ATRX: variants seen among roughly 807,000 people sequenced by gnomAD.
ATRX encodes ATRX chromatin remodeler.
A neutral mutation model predicts 172.6 loss-of-function variants in ATRX; 12 were observed. The ratio of observed to expected loss-of-function variants is 0.07; its 90% CI spans 0.04 to 0.11. The LOEUF is 0.11. ATRX is among the 10% of genes least tolerant of loss of function. ATRX has a pLI of 1.00. For missense variants in ATRX, 1,368 were observed against 1,767.4 expected (o/e 0.77, Z 4.05); for synonymous variants, 674 against 594.7 (o/e 1.13, Z -1.94).
chrX:77,594,077 T>G, intron 25 of ATRX: 709 of 223,401 alleles, frequency 3.2e-3, no homozygotes, highest in East Asian at 7.7e-3. Context: ...AGGAAGGAGA[T>G]GCCAAATAAG....
intron 28 of ATRX, among the ~76,000 whole-genome samples, chrX:77,569,411 C>T (rs1182893362): frequency 9.0e-6 from 1 of 110,636 alleles, no homozygotes; most frequent in African/African-American, 3.3e-5. Flanking sequence ...ACTTTTCTTG[C>T]AGCAAGACAA....
rs782274708 is a variant in ATRX at position 77,649,888 on chromosome X, C to A, written c.4557+2226G>T. ...TTAGCAGCGTGAAAATGGACTAATA[C>A]AATGTAACATCAAAAATCAGGAATT... On this transcript the variant is annotated intron_variant, in intron 15 of 34. Transcript: ENST00000373344. Among the ~76,000 whole-genome samples, 68 of 111,719 alleles carry A rather than the reference C, an allele frequency of 6.1e-4. 1 individual carries two copies. The highest frequency in any genetic ancestry group is 1.1e-3 in the South Asian group (3 of 2,674).
chrX:77,664,518 T>G (rs1012767538), intron 11 of ATRX, 127 bp downstream of exon 11: 4 of 959,832 alleles, frequency 4.2e-6, no homozygotes, highest in South Asian at 2.1e-5. Flanking sequence ...CCCAAAGTCC[T>G]GAGATTATAG....
chrX:77,728,040 G>A (rs1193549601), intron 1 of ATRX: 1 of 110,650 alleles, frequency 9.0e-6, no homozygotes, highest in Non-Finnish European at 1.9e-5. Flanking sequence ...AATGTGTTAT[G>A]TACAATGCCA....
chrX:77,596,530 T>C (rs2066473434), intron 25 of ATRX: 1 of 111,075 alleles, frequency 9.0e-6, no homozygotes, highest in Admixed American at 9.6e-5. Context: ...TATATCCATA[T>C]ACAAATGACT....
At chrX:77,729,440 A>T (rs1231787572) in intron 1 of ATRX, among the ~76,000 whole-genome samples, 2 of 112,196 alleles carry the variant, frequency 1.8e-5, no homozygotes, top group African/African-American at 6.5e-5. Context: ...TAATACACTC[A>T]TTGCTTTCAT....
At chrX:77,763,411 C>G (rs1342274948) in intron 1 of ATRX, among the ~76,000 whole-genome samples, 1 of 102,868 alleles carries the variant, frequency 9.7e-6, no homozygotes, top group Non-Finnish European at 2.0e-5. Flanking sequence ...TCCCAAAGTG[C>G]TGGATTACAG....
intron 12 of ATRX, among the ~76,000 whole-genome samples, chrX:77,659,482 T>TACACACACACACAC (rs72145948): frequency 1.1e-5 from 1 of 88,485 alleles, no homozygotes; most frequent in Admixed American, 1.3e-4. Flanking sequence ...TTTCTCTCTC[T>TACACACACACACAC]ACACACACAC....
chrX:77,630,939 G>A (rs527744265), intron 19 of ATRX, among the ~76,000 whole-genome samples: 3 of 111,320 alleles, frequency 2.7e-5, no homozygotes, highest in African/African-American at 9.8e-5. Flanking sequence ...AAAGTAAAAA[G>A]ACAACTCACA....
At position 77,599,541 on chromosome X, in the gene ATRX, G is replaced by A. The variant is rs2148144469; in HGVS notation, c.5826C>T (p.Ser1942=). 1 of 1,209,703 alleles carries A rather than the reference G, an allele frequency of 8.3e-7. No individual in the cohort carries two copies. The highest frequency in any genetic ancestry group is 1.1e-6 in the Non-Finnish European group (1 of 894,995). ...CATTGTCACTGCCACTTCCACTTGA[G>A]CTACTATCTTTTTTCCCCTTTTTCC... ...KKGKKGKKDS[S]SSGSGSDNDV... The change falls in exon 25 of 35, where the codon AGC becomes AGT. Residue 1942 remains serine (S), a synonymous_variant. Coordinates refer to ENST00000373344, the MANE Select transcript of ATRX (RefSeq NM_000489.6).
chrX:77,755,709 C>T (rs942623772), intron 1 of ATRX, among the ~76,000 whole-genome samples: 5 of 111,683 alleles, frequency 4.5e-5, no homozygotes, highest in Non-Finnish European at 9.4e-5. Context: ...CTGGGAGCTT[C>T]GTCCCAGAAG....
chrX:77,779,089 G>A (rs986028135), intron 1 of ATRX, among the ~76,000 whole-genome samples: 1 of 99,871 alleles, frequency 1.0e-5, no homozygotes, highest in African/African-American at 3.7e-5. Flanking sequence ...CACCATGCCC[G>A]GATTTTTTTT....
chrX:77,746,866 C>T (rs782070170), intron 1 of ATRX, among the ~76,000 whole-genome samples: 1 of 111,098 alleles, frequency 9.0e-6, no homozygotes, highest in Non-Finnish European at 1.9e-5. Flanking sequence ...GTGGCGCGAT[C>T]TCGGCTCTAC....
intron 1 of ATRX, among the ~76,000 whole-genome samples, chrX:77,779,020 C>T (rs1557204267): frequency 2.8e-5 from 3 of 107,676 alleles, no homozygotes; most frequent in African/African-American, 1.0e-4. Flanking sequence ...CTCCGCCTCC[C>T]AGGTTCACGA....
intron 32 of ATRX, 112 bp downstream of exon 32, chrX:77,522,151 C>T (rs2063250946): frequency 9.8e-7 from 1 of 1,025,121 alleles, no homozygotes; most frequent in Non-Finnish European, 1.4e-6. Context: ...TTCGTCTATT[C>T]AGGGGTAATC....
In ATRX at chrX:77,697,446, T is replaced by C. The variant is rs1420199880; in HGVS notation, c.242+137A>G. On this transcript the variant is annotated intron_variant, in intron 4 of 34. Coordinates refer to ENST00000373344, the MANE Select transcript of ATRX (RefSeq NM_000489.6). ...GGGATTCATTATATTATGCTAATCA[T>C]TTTCAAATATGTATATTTGTATAGA... is the stretch of plus-strand genomic sequence containing the variant. 1.5e-5 allele frequency: 8 copies of C among 528,692 alleles called. No individual in the cohort carries two copies. In the African/African-American group the frequency reaches 1.9e-4, roughly 13 times the overall value. The allele number at this position is 528,692 out of a possible 1,213,427, so 43.6% of individuals were successfully genotyped here. A position where few individuals can be genotyped will look rare whatever the true frequency, so the allele number is the denominator to read the frequency against.
intron 25 of ATRX, among the ~76,000 whole-genome samples, chrX:77,598,741 A>G (rs1228076040): frequency 5.3e-5 from 6 of 112,314 alleles, no homozygotes; most frequent in Middle Eastern, 4.6e-3. Flanking sequence ...TAATCCTTCA[A>G]CTTACATATA....
chrX:77,612,079 T>C (rs989070916), intron 22 of ATRX, among the ~76,000 whole-genome samples: 1 of 111,429 alleles, frequency 9.0e-6, no homozygotes, highest in Non-Finnish European at 1.9e-5. Context: ...TCAGTGTCAT[T>C]TCTCCATGTT....
chrX:77,729,695 G>T (rs1398447847), intron 1 of ATRX, among the ~76,000 whole-genome samples: 4 of 111,848 alleles, frequency 3.6e-5, no homozygotes, highest in African/African-American at 1.3e-4. Flanking sequence ...AGCACTTTGG[G>T]AGGCCAAGGT....
Sources: gnomAD v4.1 joint callset for allele counts (sites outside exome capture counted in the v4.1 genomes callset) on GRCh38, gnomAD v4.1.1 for gene constraint, MANE v1.5 for transcripts, NCBI Gene and HGNC (gene_info 2026-07-23, HGNC 2026-07-21) for gene names.